The following USP43 variants were observed in gnomAD, a reference collection of about 807,000 sequenced individuals.
The protein encoded by USP43 is ubiquitin carboxyl-terminal hydrolase 43.
Under a neutral mutation model 90.7 loss-of-function variants are expected in USP43, and 33 were observed. The observed-to-expected ratio is 0.36, with a 90% CI of 0.28 to 0.49. USP43 has a LOEUF of 0.49. Among genes scored for constraint, USP43 ranks in the 20% least tolerant of loss-of-function variants. The pLI is 0.98. For synonymous variants in USP43, 598 were observed against 615.8 expected (o/e 0.97, Z 0.43); for missense variants, 1,274 against 1,476.4 (o/e 0.86, Z 2.25).
chr17:9,708,616 G>C (rs140270764), intron 12 of USP43, among the ~76,000 whole-genome samples: 1 of 152,230 alleles, frequency 6.6e-6, no homozygotes, highest in East Asian at 1.9e-4. Flanking sequence ...CCAATCTAGG[G>C]CCTGTTTTTT....
At chr17:9,670,499 T>C (rs1436430829) in intron 3 of USP43, among the ~76,000 whole-genome samples, 1 of 151,990 alleles carries the variant, frequency 6.6e-6, no homozygotes, top group Non-Finnish European at 1.5e-5. Context: ...TGTTTTTGGA[T>C]GGAGAGTCAG....
chr17:9,682,548 T>G (rs1176344609), intron 6 of USP43, among the ~76,000 whole-genome samples: 1 of 152,218 alleles, frequency 6.6e-6, no homozygotes, highest in Admixed American at 6.5e-5. Flanking sequence ...CCATCCAGCC[T>G]GGGGGACAGA....
In USP43 at chr17:9,686,654, GT is replaced by G. The variant is rs965390514; in HGVS notation, c.1242-136del. 5.8e-5 allele frequency: 37 copies of G among 641,452 alleles called. No individual in the cohort carries two copies. Among genetic ancestry groups the G allele is most frequent in the Non-Finnish European group, 8.0e-5 (30 of 374,496 alleles). The allele number at this position is 641,452 out of a possible 1,614,324, so 39.7% of individuals were successfully genotyped here. On this transcript the variant is annotated intron_variant, in intron 7 of 14. Transcript: ENST00000285199. The surrounding 1 kb of genome is among the most constrained non-coding windows in gnomAD (Gnocchi z 5.5). Reference sequence around the variant, plus strand: ...GCCCATTTTTAAATGGGATTCTTTGGTTTTTTTTGCTGTTGAGTTTTTGTGC... The same window carrying G: ...GCCCATTTTTAAATGGGATTCTTTGGTTTTTTTGCTGTTGAGTTTTTGTGC...
At chr17:9,658,059 C>T (rs1187030441) in intron 2 of USP43, among the ~76,000 whole-genome samples, 4 of 152,204 alleles carry the variant, frequency 2.6e-5, no homozygotes, top group African/African-American at 7.2e-5. Context: ...TTTGACGTAT[C>T]ACATGGCTGA....
At chr17:9,663,256 T>G (rs1317424902) in intron 2 of USP43, among the ~76,000 whole-genome samples, 1 of 151,896 alleles carries the variant, frequency 6.6e-6, no homozygotes, top group Non-Finnish European at 1.5e-5. Context: ...ATCAGAGCAG[T>G]CGAGTAACTT....
intron 12 of USP43, among the ~76,000 whole-genome samples, chr17:9,706,788 CGG>C: frequency 6.6e-6 from 1 of 151,648 alleles, no homozygotes; most frequent in African/African-American, 2.4e-5. Flanking sequence ...GGACTACAGG[CGG>C]GTGCCACCAC....
At chr17:9,710,932 A>C (rs1916157292) in intron 13 of USP43, among the ~76,000 whole-genome samples, 1 of 152,132 alleles carries the variant, frequency 6.6e-6, no homozygotes, top group Non-Finnish European at 1.5e-5. Context: ...AGCATTAAAA[A>C]AAAAAATTAA....
intron 2 of USP43, among the ~76,000 whole-genome samples, chr17:9,659,564 T>C (rs1912506613): frequency 6.6e-6 from 1 of 152,092 alleles, no homozygotes; most frequent in African/African-American, 2.4e-5. Context: ...GCTGGCTGCG[T>C]AGGAAAAGCC....
chr17:9,657,776 C>T (rs142390838), intron 2 of USP43, among the ~76,000 whole-genome samples: 114 of 152,294 alleles, frequency 7.5e-4, no homozygotes, highest in African/African-American at 2.6e-3. Context: ...TATCACCTCC[C>T]ACCAGGCCCT....
At chr17:9,650,568 A>G (rs1481045840) in intron 1 of USP43, among the ~76,000 whole-genome samples, 1 of 151,944 alleles carries the variant, frequency 6.6e-6, no homozygotes, top group African/African-American at 2.4e-5. Flanking sequence ...ATGCCCAGCT[A>G]TTTTTTGTAT....
At chr17:9,680,114 T>C (rs1914067193) in intron 5 of USP43, 117 bp from the exon 6 acceptor site, 1 of 1,093,740 alleles carries the variant, frequency 9.1e-7, no homozygotes, top group Non-Finnish European at 1.3e-6. Context: ...TAAAAATAAG[T>C]AGCCAATTGG....
rs781718407 is a variant in USP43, at chr17:9,728,589, C to G, written c.2971C>G (p.Pro991Ala). ...CCGAGGCACCTCTGAGCTAGACAGA[C>G]CCCTGCAGGGGACACTCACCCTTCT... ...SRRGTSELDR[P>A]LQGTLTLLRS... The change falls in exon 15 of 15, where the codon CCC (proline) becomes GCC (alanine). Residue 991 changes from proline to alanine, a missense_variant. Pro to Ala is a conservative substitution (Grantham distance 27, BLOSUM62 -1). This residue lies in a region of USP43 where 353 missense variants were observed against 329.7 expected (regional missense o/e 1.07). Coordinates refer to ENST00000285199, the MANE Select transcript of USP43 (RefSeq NM_153210.5). This position sits in a 1 kb window ranked among gnomAD's most constrained non-coding sequence, Gnocchi z 6.2. 1.9e-6 allele frequency: 3 copies of G among 1,613,956 alleles called. No homozygotes were observed. Among genetic ancestry groups the G allele is most frequent in the Non-Finnish European group, 2.5e-6 (3 of 1,179,862 alleles).
intron 3 of USP43, among the ~76,000 whole-genome samples, chr17:9,671,343 T>G (rs1283557878): frequency 6.6e-6 from 1 of 152,030 alleles, no homozygotes; most frequent in Non-Finnish European, 1.5e-5. Flanking sequence ...CCACAGAAAG[T>G]CTAAGGATGT....
rs1323854685 is a variant in USP43, at chr17:9,710,035, C to G, written c.2091C>G (p.Val697=). The G allele has an allele frequency of 6.3e-7, 1 of 1,575,394 alleles. No homozygotes were observed. Among genetic ancestry groups the G allele is most frequent in the Admixed American group, 1.8e-5 (1 of 55,250 alleles). The stretch of plus-strand genomic sequence containing the variant: ...TGGAACCGCTTCGAGAAGATGAGGT[C>G]AACACCAGAGGGGCTTATATCCTGT... ...STVEPLREDE[V]NTRGAYILFY... is the part of the protein sequence containing the mutation. Residue 697 remains valine, a synonymous_variant, in exon 13 of 15, where the codon GTC becomes GTG. Coordinates refer to ENST00000285199, the MANE Select transcript of USP43 (RefSeq NM_153210.5).
At chr17:9,703,940 G>A (rs768294845) in intron 12 of USP43, among the ~76,000 whole-genome samples, 4 of 152,166 alleles carry the variant, frequency 2.6e-5, no homozygotes, top group Non-Finnish European at 5.9e-5. Flanking sequence ...AAAGGGTGAT[G>A]GGAGCTTGAC....
intron 5 of USP43, among the ~76,000 whole-genome samples, chr17:9,678,863 T>C (rs937442530): frequency 1.3e-5 from 2 of 152,050 alleles, no homozygotes; most frequent in Admixed American, 6.6e-5. Context: ...TATGTATATG[T>C]AAATATAATA....
chr17:9,666,621 T>A, intron 2 of USP43, 27 bp from the exon 3 acceptor site: 1 of 1,585,826 alleles, frequency 6.3e-7, no homozygotes, highest in Non-Finnish European at 8.6e-7. Flanking sequence ...GTATCTAATC[T>A]GGCTTCCTTT....
chr17:9,722,081 G>A lies in USP43; in HGVS notation c.2336-5873G>A, dbSNP rs186512981. Among the ~76,000 whole-genome samples the A allele has an allele frequency of 1.8e-4, 28 of 152,010 alleles. No individual in the cohort carries two copies. In the East Asian group the frequency reaches 3.7e-3, roughly 20 times the overall value. On this transcript the variant is annotated intron_variant, in intron 14 of 14. Coordinates refer to ENST00000285199, the MANE Select transcript of USP43 (RefSeq NM_153210.5). The stretch of plus-strand genomic sequence containing the variant: ...TAATCCTTGCATTTTAATAATTTTC[G>A]CTTTATCTTGTTAGCTGCTTTGTTA...
At chr17:9,661,889 G>A (rs973675016) in intron 2 of USP43, among the ~76,000 whole-genome samples, 1 of 151,900 alleles carries the variant, frequency 6.6e-6, no homozygotes, top group African/African-American at 2.4e-5. Flanking sequence ...TGAATTCTTG[G>A]GTTGCAAGCA....
Sources: allele counts gnomAD v4.1 joint callset (sites outside exome capture counted in the v4.1 genomes callset), GRCh38; gene constraint gnomAD v4.1.1; regional missense constraint gnomAD v4.1.1; non-coding constraint Gnocchi (gnomAD v3.1); transcripts MANE v1.5; gene names NCBI Gene and HGNC (gene_info 2026-07-23, HGNC 2026-07-21).